The following ZNF536 variants were observed in gnomAD, a reference collection of about 807,000 sequenced individuals.
The protein encoded by ZNF536 is zinc finger protein 536.
In ZNF536, 13 loss-of-function variants were observed where a neutral mutation model predicts 84.5. The observed-to-expected ratio is 0.15, with a 90% CI of 0.10 to 0.24. The LOEUF is 0.24. ZNF536 is among the 10% of genes least tolerant of loss of function. The probability of loss-of-function intolerance (pLI) is 1.00; values close to 1 mark genes in which losing one functional copy is unlikely to be tolerated. For missense variants in ZNF536, 1,536 were observed against 1,747.5 expected, an observed-to-expected ratio of 0.88 and a Z score of 2.16; for synonymous variants, 811 against 742.5, an observed-to-expected ratio of 1.09 and a Z score of -1.50.
intron 3 of ZNF536, among the ~76,000 whole-genome samples, chr19:30,544,508 C>T (rs1455931746): frequency 2.0e-5 from 3 of 152,120 alleles, no homozygotes; most frequent in Non-Finnish European, 4.4e-5. Context: ...TGAAGGGATG[C>T]TATCTTCCTG....
intron 2 of ZNF536, among the ~76,000 whole-genome samples, chr19:30,348,814 C>CTT (rs5827705): frequency 0.17 from 21,942 of 132,560 alleles, 2,069 homozygotes; most frequent in Middle Eastern, 0.28. Flanking sequence ...TTTTTCTTTT[C>CTT]TTTTTTTTTT....
At chr19:30,435,861 T>C (rs1021008707) in intron 1 of ZNF536, among the ~76,000 whole-genome samples, 2 of 152,176 alleles carry the variant, frequency 1.3e-5, no homozygotes, top group African/African-American at 4.8e-5. Context: ...TCTGTCTTCA[T>C]TTCTGGGCTG....
intron 1 of ZNF536, among the ~76,000 whole-genome samples, chr19:30,652,362 T>C (rs903777812): frequency 6.6e-6 from 1 of 152,226 alleles, no homozygotes; most frequent in Non-Finnish European, 1.5e-5. Flanking sequence ...CCCGCTTTAT[T>C]GGCTTTTGTA....
At position 30,548,863 on chromosome 19, in the gene ZNF536, G is replaced by A. The variant is rs1229293039; in HGVS notation, c.3244G>A (p.Gly1082Ser). The change falls in exon 4 of 5, where the codon GGT (glycine) becomes AGT (serine). Residue 1082 changes from glycine to serine, a missense_variant. By Grantham distance (56) the Gly-to-Ser change is moderately conservative. Transcript: ENST00000355537. ...LDSASEKMAQGQLKETLGEQK... is the reference protein window; with the variant it reads ...LDSASEKMAQSQLKETLGEQK... ...CTCTGCTTCTGAGAAGATGGCCCAAGGTCAGCTCAAGGAGACTCTGGGAGA... is the reference window on the plus strand; with the variant it reads ...CTCTGCTTCTGAGAAGATGGCCCAAAGTCAGCTCAAGGAGACTCTGGGAGA... 3.7e-6 allele frequency: 6 copies of A among 1,614,044 alleles called. No individual in the cohort carries two copies. The highest frequency in any genetic ancestry group is 1.3e-5 in the African/African-American group (1 of 74,934).
rs2052260990 is a variant in ZNF536 at position 30,445,166 on chromosome 19, A to G, written c.1604A>G (p.His535Arg). 4.3e-6 allele frequency: 7 copies of G among 1,614,096 alleles called. No individual in the cohort carries two copies. Among genetic ancestry groups the G allele is most frequent in the Non-Finnish European group, 5.9e-6 (7 of 1,180,028 alleles). ...QLMARGMAME[H>R]GFLSKEHPLQ... ...ATGGCCAGGGGCATGGCCATGGAAC[A>G]TGGCTTCTTGTCTAAAGAGCATCCG... Residue 535 changes from histidine (H) to arginine (R), a missense_variant, in exon 2 of 5, where the codon CAT becomes CGT. Physicochemically the swap from His to Arg is conservative, Grantham distance 29. This residue lies in a region of ZNF536 where 366 missense variants were observed against 364.4 expected (regional missense o/e 1.00). Coordinates refer to ENST00000355537, the MANE Select transcript of ZNF536 (RefSeq NM_014717.3). This position sits in a 1 kb window ranked among gnomAD's most constrained non-coding sequence, Gnocchi z 4.5.
chr19:30,559,874 C>T (rs981426925), downstream of ZNF536, among the ~76,000 whole-genome samples: 6 of 152,292 alleles, frequency 3.9e-5, no homozygotes, highest in African/African-American at 1.2e-4. Flanking sequence ...GAAGCATTTC[C>T]GTTTCTAAAG....
At chr19:30,288,875 A>G (rs11084515) in intron 2 of ZNF536, among the ~76,000 whole-genome samples, 35,228 of 152,040 alleles carry the variant, frequency 0.23, 4,977 homozygotes, top group East Asian at 0.54. Context: ...TTCAAGATTA[A>G]TGAAAATGTA....
intron 1 of ZNF536, among the ~76,000 whole-genome samples, chr19:30,678,473 C>T (rs369716980): frequency 4.6e-4 from 70 of 152,350 alleles, no homozygotes; most frequent in African/African-American, 1.5e-3. Context: ...CCCTCCCCAT[C>T]GCCCACTGTC....
intron 3 of ZNF536, among the ~76,000 whole-genome samples, chr19:30,361,367 T>C (rs1345133037): frequency 1.3e-5 from 2 of 152,184 alleles, no homozygotes; most frequent in African/African-American, 2.4e-5. Context: ...TTCTTTTCTT[T>C]TTTTTTAAGC....
upstream of ZNF536, among the ~76,000 whole-genome samples, chr19:30,227,670 C>A (rs894018148): frequency 4.0e-5 from 6 of 151,114 alleles, no homozygotes; most frequent in African/African-American, 1.5e-4. Flanking sequence ...GGGCGAGGGG[C>A]GAGCGGGAGG....
At chr19:30,291,940 A>G (rs2045853961) in intron 2 of ZNF536, among the ~76,000 whole-genome samples, 1 of 152,218 alleles carries the variant, frequency 6.6e-6, no homozygotes, top group Admixed American at 6.5e-5. Context: ...GGCCCATAAT[A>G]AAGTTTTATT....
chr19:30,572,907 C>T (rs2046603173), intron 1 of ZNF536, among the ~76,000 whole-genome samples: 1 of 152,126 alleles, frequency 6.6e-6, no homozygotes, highest in Non-Finnish European at 1.5e-5. Context: ...CTTTTAATGG[C>T]CATATACAAC....
chr19:30,490,564 C>T (rs1297877903), intron 2 of ZNF536, among the ~76,000 whole-genome samples: 1 of 152,092 alleles, frequency 6.6e-6, no homozygotes, highest in African/African-American at 2.4e-5. Context: ...ACAGCGTTCA[C>T]CACTTAGATA....
chr19:30,638,628 G>C (rs2049157199), intron 1 of ZNF536, among the ~76,000 whole-genome samples: 1 of 152,124 alleles, frequency 6.6e-6, no homozygotes, highest in Non-Finnish European at 1.5e-5. Flanking sequence ...TTCCCACCAG[G>C]CCCCACCTCC....
At chr19:30,577,004 G>A (rs2046762728) in intron 1 of ZNF536, among the ~76,000 whole-genome samples, 1 of 152,172 alleles carries the variant, frequency 6.6e-6, no homozygotes, top group Non-Finnish European at 1.5e-5. Context: ...TGTTGTTGTT[G>A]TTGTTTTGTT....
At chr19:30,539,370 G>A (rs942555185) in intron 3 of ZNF536, among the ~76,000 whole-genome samples, 6 of 152,234 alleles carry the variant, frequency 3.9e-5, no homozygotes, top group Admixed American at 3.3e-4. Flanking sequence ...CAACGGATTG[G>A]ACAAGGTGCA....
chr19:30,442,897 T>G (rs377743157), intron 1 of ZNF536, among the ~76,000 whole-genome samples: 1 of 152,244 alleles, frequency 6.6e-6, no homozygotes, highest in African/African-American at 2.4e-5. Context: ...CTAATCAGCT[T>G]AATGAGATAT....
At chr19:30,699,942 G>A (rs1410586079) in intron 1 of ZNF536, among the ~76,000 whole-genome samples, 1 of 152,078 alleles carries the variant, frequency 6.6e-6, no homozygotes, top group Non-Finnish European at 1.5e-5. Context: ...CCCACTCTGG[G>A]GAGCTGAATT....
rs776166450 is a variant in ZNF536, at chr19:30,467,573, C to G, written c.2170+21841C>G. ...ACACACTTGAATAAATGAATGACGACAAGGAGGGTGGATCTCTGCCTCCCT... is the reference window on the plus strand; with the variant it reads ...ACACACTTGAATAAATGAATGACGAGAAGGAGGGTGGATCTCTGCCTCCCT... On this transcript the variant is annotated intron_variant, in intron 2 of 4. Transcript: ENST00000355537. Among the ~76,000 whole-genome samples the G allele has an allele frequency of 7.2e-5, 11 of 152,164 alleles. 1 individual carries two copies. The highest frequency in any genetic ancestry group is 1.6e-4 in the Non-Finnish European group (11 of 68,034).
Sources: allele counts gnomAD v4.1 joint callset (sites outside exome capture counted in the v4.1 genomes callset), GRCh38; gene constraint gnomAD v4.1.1; regional missense constraint gnomAD v4.1.1; non-coding constraint Gnocchi (gnomAD v3.1); transcripts MANE v1.5; gene names NCBI Gene and HGNC (gene_info 2026-07-23, HGNC 2026-07-21).